Variants in DMTF1 observed in about 807,000 individuals in gnomAD.
The protein encoded by DMTF1 is cyclin-D-binding Myb-like transcription factor 1.
A neutral mutation model predicts 91.1 loss-of-function variants in DMTF1; 39 were observed. The ratio of observed to expected loss-of-function variants is 0.43; its 90% CI spans 0.33 to 0.56. The LOEUF is 0.56. Ranked by LOEUF, DMTF1 falls within the 20% of genes least tolerant of loss-of-function variation. DMTF1 has a pLI of 0.05. For missense variants in DMTF1, 750 were observed against 914.5 expected (o/e 0.82, Z 2.32); for synonymous variants, 338 against 309.5 (o/e 1.09, Z -0.97).
intron 4 of DMTF1, among the ~76,000 whole-genome samples, chr7:87,167,231 A>C (rs1376569065): frequency 6.6e-6 from 1 of 152,204 alleles, no homozygotes; most frequent in Non-Finnish European, 1.5e-5. Context: ...GTTTATTCTT[A>C]CCGAGAAAGT....
chr7:87,161,912 T>C lies in DMTF1; in HGVS notation c.-131-1583T>C, dbSNP rs1792532448. Among the ~76,000 whole-genome samples, 4 of 152,350 alleles carry C rather than the reference T, an allele frequency of 2.6e-5. No homozygotes were observed. In the South Asian group the frequency reaches 8.3e-4, roughly 32 times the overall value. Reference sequence around the variant, plus strand: ...TTTTTTGGGAAAATATATTGCAGTATGATTGAAAAGTTCGAAATTTTGTCA... The same window carrying C: ...TTTTTTGGGAAAATATATTGCAGTACGATTGAAAAGTTCGAAATTTTGTCA... On this transcript the variant is annotated intron_variant, in intron 1 of 17. Coordinates refer to ENST00000331242, the MANE Select transcript of DMTF1 (RefSeq NM_001142327.2).
At chr7:87,164,657 G>A (rs548066888) in intron 2 of DMTF1, among the ~76,000 whole-genome samples, 72 of 152,240 alleles carry the variant, frequency 4.7e-4, no homozygotes, top group African/African-American at 1.7e-3. Context: ...CTCTTTTGTT[G>A]GATGTTGCAA....
intron 1 of DMTF1, chr7:87,162,875 AAG>A (rs1792839658): frequency 1.3e-5 from 2 of 151,980 alleles, no homozygotes; most frequent in Non-Finnish European, 2.9e-5. Flanking sequence ...AGCTTATTGA[AAG>A]AAACCTTTAA....
intron 1 of DMTF1, 48 bp downstream of exon 1, chr7:87,152,603 C>A (rs1224921882): frequency 6.5e-6 from 1 of 152,804 alleles, no homozygotes; most frequent in Non-Finnish European, 1.5e-5. Context: ...AGGGCCGCTC[C>A]GCCCAGTGGA....
chr7:87,173,526 C>A lies in DMTF1; in HGVS notation c.328-9C>A, dbSNP rs1263854010. Reference sequence around the variant, plus strand: ...TTGTTTTGTTTTGTTTTACTTTTACCTTTTCAAGATTTTGCAGAATGAGCA... The same window carrying A: ...TTGTTTTGTTTTGTTTTACTTTTACATTTTCAAGATTTTGCAGAATGAGCA... On this transcript the variant is annotated splice_polypyrimidine_tract_variant and intron_variant, in intron 5 of 17. Coordinates refer to ENST00000331242, the MANE Select transcript of DMTF1 (RefSeq NM_001142327.2). The A allele has an allele frequency of 1.3e-6, 2 of 1,566,456 alleles. No individual in the cohort carries two copies. Among genetic ancestry groups the A allele is most frequent in the South Asian group, 2.3e-5 (2 of 85,962 alleles).
chr7:87,189,659 CTT>C (rs950433471), intron 13 of DMTF1, among the ~76,000 whole-genome samples: 3 of 152,074 alleles, frequency 2.0e-5, no homozygotes, highest in Non-Finnish European at 2.9e-5. Context: ...ACTAAAATCT[CTT>C]TTCGTTTTTT....
At chr7:87,194,894 TA>T in intron 17 of DMTF1, 66 bp downstream of exon 17, 1 of 1,521,166 alleles carries the variant, frequency 6.6e-7, no homozygotes, top group Non-Finnish European at 9.0e-7. Context: ...GACATTTAAT[TA>T]ACTTGTTTCA....
At position 87,173,674 on chromosome 7, in the gene DMTF1, T is replaced by C. The variant is rs372828454; in HGVS notation, c.442+25T>C. ...GGTAAGATAACACTGTGAATTTTAG[T>C]GCCTAGTGAAAAAAAATGGAGATAG... On this transcript the variant is annotated intron_variant, in intron 6 of 17. Transcript: ENST00000331242. 51 of 1,492,570 alleles carry C rather than the reference T, an allele frequency of 3.4e-5. No homozygotes were observed. In the African/African-American group the frequency reaches 6.7e-4, roughly 20 times the overall value. The allele number at this position is 1,492,570 out of a possible 1,614,324, so 92.5% of individuals were successfully genotyped here. A position where few individuals can be genotyped will look rare whatever the true frequency, so the allele number is the denominator to read the frequency against.
In DMTF1 at chr7:87,194,688, T is replaced by C. The variant is rs748412523; in HGVS notation, c.2033T>C (p.Leu678Ser). Residue 678 changes from leucine to serine, a missense_variant, in exon 17 of 18, where the codon TTA (leucine) becomes TCA (serine). By Grantham distance (145) the Leu-to-Ser change is moderately radical. This residue lies in a region of DMTF1 where 410 missense variants were observed against 420.2 expected (regional missense o/e 0.98). Transcript: ENST00000331242. ...TTTTTTTTTAATGTTATTTAGGGTT[T>C]AGAGTCTCCCACTATAGAAGAACAA... ...DLASAYVTEG[L>S]ESPTIEEQVD... 6.2e-7 allele frequency: 1 copy of C among 1,605,460 alleles called. No homozygotes were observed. The highest frequency in any genetic ancestry group is 8.5e-7 in the Non-Finnish European group (1 of 1,173,890).
At chr7:87,176,929 A>T (rs1796379779) in intron 7 of DMTF1, among the ~76,000 whole-genome samples, 1 of 152,120 alleles carries the variant, frequency 6.6e-6, no homozygotes, top group Non-Finnish European at 1.5e-5. Flanking sequence ...GAAAAAGGGC[A>T]AGGAGTGTGG....
chr7:87,155,583 A>C (rs977735813), intron 1 of DMTF1: 1 of 152,206 alleles, frequency 6.6e-6, no homozygotes, highest in African/African-American at 2.4e-5. Flanking sequence ...GCGTTTGTTT[A>C]CTTTCATGTC....
chr7:87,182,386 C>T (rs1280098600), intron 10 of DMTF1, 49 bp downstream of exon 10: 3 of 1,584,214 alleles, frequency 1.9e-6, no homozygotes, highest in South Asian at 2.2e-5. Flanking sequence ...CTTAAGCCTC[C>T]TGCCCCTTAG....
At position 87,178,183 on chromosome 7, in the gene DMTF1, A is replaced by G. The variant is rs75919109; in HGVS notation, c.520-1362A>G. On this transcript the variant is annotated intron_variant, in intron 7 of 17. Coordinates refer to ENST00000331242, the MANE Select transcript of DMTF1 (RefSeq NM_001142327.2). ...ATATTTTCCTCCATAAAGGACATTG[A>G]TAACTTGCCTAAGTTCTGATGCTCT... is the stretch of plus-strand genomic sequence containing the variant. Among the ~76,000 whole-genome samples, 896 of 152,244 alleles carry G rather than the reference A, an allele frequency of 5.9e-3. 9 individuals are homozygous for G. Among genetic ancestry groups the G allele is most frequent in the African/African-American group, 0.021 (854 of 41,576 alleles).
In DMTF1 at chr7:87,185,909, C is replaced by G. The variant is rs748967364; in HGVS notation, c.1130C>G (p.Pro377Arg). 2 of 1,613,950 alleles carry G rather than the reference C, an allele frequency of 1.2e-6. No individual in the cohort carries two copies. Among genetic ancestry groups the G allele is most frequent in the South Asian group, 2.2e-5 (2 of 91,078 alleles). The change falls in exon 12 of 18, where the codon CCA (proline) becomes CGA (arginine). Residue 377 changes from proline to arginine, a missense_variant. Around this residue, in one of 3 missense-constraint regions of DMTF1, gnomAD observed 190 missense variants for 343.8 expected, o/e 0.55. Transcript: ENST00000331242. ...GAGGGATGGAGTAGTGTCCGTTCAC[C>G]ACAATGGCTACGAAGTAAATGGTGG... ...LAEGWSSVRS[P>R]QWLRSKWWTI... is the part of the protein sequence containing the mutation.
At chr7:87,153,482 T>A (rs1789853862) in intron 1 of DMTF1, among the ~76,000 whole-genome samples, 1 of 152,210 alleles carries the variant, frequency 6.6e-6, no homozygotes, top group Non-Finnish European at 1.5e-5. Flanking sequence ...TTTGTGCAAT[T>A]GAATGATAGA....
intron 8 of DMTF1, among the ~76,000 whole-genome samples, chr7:87,180,455 G>A (rs984793570): frequency 2.0e-5 from 3 of 152,154 alleles, no homozygotes; most frequent in Admixed American, 6.5e-5. Flanking sequence ...AGTGAGCAGC[G>A]TTTCATAATT....
At chr7:87,174,737 A>C (rs11976564) in intron 7 of DMTF1, 68 bp downstream of exon 7, 34,877 of 1,096,404 alleles carry the variant, frequency 0.032, 665 homozygotes, top group East Asian at 0.058. Flanking sequence ...ATCAACACAG[A>C]ATGTTGTGTG....
intron 7 of DMTF1, among the ~76,000 whole-genome samples, chr7:87,174,968 A>G (rs11976632): frequency 0.011 from 1,639 of 151,310 alleles, 29 homozygotes; most frequent in African/African-American, 0.037. Context: ...ATAGAGTTTA[A>G]TTTATTTTGT....
intron 1 of DMTF1, among the ~76,000 whole-genome samples, chr7:87,159,402 C>T (rs1223569567): frequency 2.2e-5 from 1 of 44,864 alleles, no homozygotes; most frequent in Non-Finnish European, 6.2e-5. Flanking sequence ...TAAAGCTGTA[C>T]ACCAATAGAA....
Sources: allele counts gnomAD v4.1 joint callset (sites outside exome capture counted in the v4.1 genomes callset), GRCh38; gene constraint gnomAD v4.1.1; regional missense constraint gnomAD v4.1.1; transcripts MANE v1.5; gene names NCBI Gene and HGNC (gene_info 2026-07-23, HGNC 2026-07-21).